The following PRKG1 variants were observed in gnomAD, a reference collection of about 807,000 sequenced individuals.
The protein encoded by PRKG1 is protein kinase cGMP-dependent 1.
A neutral mutation model predicts 88.1 loss-of-function variants in PRKG1; 35 were observed. That is an observed-to-expected ratio of 0.40 (90% confidence interval 0.30 to 0.53). The LOEUF is 0.53. Ranked by LOEUF, PRKG1 falls within the 20% of genes least tolerant of loss-of-function variation. PRKG1 has a pLI of 0.59. For missense variants in PRKG1, 540 were observed against 839.8 expected (o/e 0.64, Z 4.41); for synonymous variants, 303 against 292.5 (o/e 1.04, Z -0.37).
intron 4 of PRKG1, among the ~76,000 whole-genome samples, chr10:51,833,286 G>T (rs1210179865): frequency 6.6e-6 from 1 of 152,100 alleles, no homozygotes; most frequent in Non-Finnish European, 1.5e-5. Context: ...AAATTTCATT[G>T]GTTCTCAGTA....
chr10:52,124,134 C>A (rs2132617001), intron 7 of PRKG1, among the ~76,000 whole-genome samples: 1 of 152,242 alleles, frequency 6.6e-6, no homozygotes, highest in African/African-American at 2.4e-5. Context: ...GGAAGCAGGA[C>A]AGAGTAAGAC....
At chr10:51,355,897 A>C (rs1175973974) in intron 2 of PRKG1, among the ~76,000 whole-genome samples, 1 of 151,954 alleles carries the variant, frequency 6.6e-6, no homozygotes, top group Admixed American at 6.6e-5. Flanking sequence ...TCTTCTTGAC[A>C]CCCATGTTTT....
At chr10:51,113,039 G>A (rs1845015331) in intron 1 of PRKG1, among the ~76,000 whole-genome samples, 1 of 152,162 alleles carries the variant, frequency 6.6e-6, no homozygotes, top group Non-Finnish European at 1.5e-5. Context: ...TCCCTCATTA[G>A]CTGATGACAT....
chr10:51,801,031 C>G (rs922510812), intron 3 of PRKG1, among the ~76,000 whole-genome samples: 38 of 152,106 alleles, frequency 2.5e-4, no homozygotes, highest in African/African-American at 8.7e-4. Flanking sequence ...CTCTTCTCAG[C>G]TCCTCCCCAT....
chr10:51,350,850 T>TG, intron 2 of PRKG1, among the ~76,000 whole-genome samples: 1 of 152,186 alleles, frequency 6.6e-6, no homozygotes, highest in East Asian at 1.9e-4. Flanking sequence ...CGTGCCATGG[T>TG]GGTTTGGTGC....
intron 7 of PRKG1, among the ~76,000 whole-genome samples, chr10:52,064,927 C>T (rs977277888): frequency 1.3e-5 from 2 of 152,178 alleles, no homozygotes; most frequent in African/African-American, 4.8e-5. Flanking sequence ...TCATAATTGT[C>T]ATCACTCTTA....
At chr10:51,711,109 T>A (rs965117435) in intron 3 of PRKG1, among the ~76,000 whole-genome samples, 1 of 152,168 alleles carries the variant, frequency 6.6e-6, no homozygotes, top group Non-Finnish European at 1.5e-5. Flanking sequence ...TAAGCTGACC[T>A]TTTTAATTTT....
chr10:51,328,661 C>T (rs1451332623), intron 2 of PRKG1, among the ~76,000 whole-genome samples: 1 of 152,148 alleles, frequency 6.6e-6, no homozygotes, highest in African/African-American at 2.4e-5. Context: ...TCCACATCTT[C>T]GGTGATACTT....
At chr10:51,034,399 G>T (rs1004899371) in intron 1 of PRKG1, among the ~76,000 whole-genome samples, 1 of 151,898 alleles carries the variant, frequency 6.6e-6, no homozygotes, top group African/African-American at 2.4e-5. Flanking sequence ...GCACTTCACA[G>T]TGTGTGTCAG....
intron 3 of PRKG1, among the ~76,000 whole-genome samples, chr10:51,625,602 A>G (rs757289766): frequency 6.6e-6 from 1 of 152,204 alleles, no homozygotes; most frequent in Non-Finnish European, 1.5e-5. Flanking sequence ...AGATGTTCCA[A>G]AACTGGATTT....
At chr10:51,684,549 A>G (rs1297797910) in intron 3 of PRKG1, among the ~76,000 whole-genome samples, 1 of 152,134 alleles carries the variant, frequency 6.6e-6, no homozygotes, top group Non-Finnish European at 1.5e-5. Context: ...TTTAAATTAG[A>G]TATTGACTAG....
At chr10:51,555,191 T>C (rs1436113696) in intron 3 of PRKG1, among the ~76,000 whole-genome samples, 2 of 151,938 alleles carry the variant, frequency 1.3e-5, no homozygotes, top group African/African-American at 2.4e-5. Flanking sequence ...AAGTGCTGAG[T>C]AGGAAAGATG....
intron 7 of PRKG1, among the ~76,000 whole-genome samples, chr10:52,072,607 T>C (rs936810054): frequency 1.3e-5 from 2 of 152,218 alleles, no homozygotes; most frequent in Admixed American, 1.3e-4. Flanking sequence ...TCAAGTCTAT[T>C]CTTTTTCAAG....
intron 2 of PRKG1, among the ~76,000 whole-genome samples, chr10:51,408,989 C>A (rs1490523906): frequency 2.0e-5 from 3 of 152,140 alleles, no homozygotes; most frequent in Admixed American, 2.0e-4. Context: ...CTTCCAAGTC[C>A]CTGACCATCC....
At chr10:52,094,318 T>C (rs1389377822) in intron 7 of PRKG1, among the ~76,000 whole-genome samples, 1 of 152,174 alleles carries the variant, frequency 6.6e-6, no homozygotes, top group Non-Finnish European at 1.5e-5. Flanking sequence ...TTGTCAATAA[T>C]ACTGCTAATA....
chr10:51,173,882 T>G (rs1837119773), intron 2 of PRKG1, among the ~76,000 whole-genome samples: 2 of 151,850 alleles, frequency 1.3e-5, no homozygotes, highest in Non-Finnish European at 2.9e-5. Context: ...TTGAGAGTGT[T>G]TTTCCTTATG....
chr10:51,805,509 A>G (rs16923414), intron 4 of PRKG1, among the ~76,000 whole-genome samples: 2,373 of 152,150 alleles, frequency 0.016, 78 homozygotes, highest in African/African-American at 0.054. Flanking sequence ...ATTATGAAAT[A>G]GTAATACACA....
At chr10:51,815,940 T>C (rs1334540064) in intron 4 of PRKG1, among the ~76,000 whole-genome samples, 1 of 152,208 alleles carries the variant, frequency 6.6e-6, no homozygotes, top group East Asian at 1.9e-4. Context: ...AACACTCCCT[T>C]TACCAAACCC....
At chr10:51,783,951 G>A (rs1355332045) in intron 3 of PRKG1, among the ~76,000 whole-genome samples, 1 of 152,122 alleles carries the variant, frequency 6.6e-6, no homozygotes, top group Admixed American at 6.6e-5. Context: ...TGCAAAAGTG[G>A]CTAATTCTTT....
Sources: gnomAD v4.1 joint callset for allele counts (sites outside exome capture counted in the v4.1 genomes callset) on GRCh38, gnomAD v4.1.1 for gene constraint, MANE v1.5 for transcripts, NCBI Gene and HGNC (gene_info 2026-07-23, HGNC 2026-07-21) for gene names.